Variants in ELOVL2 observed in about 807,000 individuals in gnomAD.
ELOVL2 encodes the protein very long chain fatty acid elongase 2.
A neutral mutation model predicts 37.7 loss-of-function variants in ELOVL2; 38 were observed. That is an observed-to-expected ratio of 1.01 (90% CI 0.78 to 1.32). The LOEUF (loss-of-function observed/expected upper bound fraction) is 1.32. ELOVL2 is among the 40% of genes most tolerant of loss of function. The pLI is 0.00. For missense variants in ELOVL2, 352 were observed against 363.6 expected (o/e 0.97, Z 0.26); for synonymous variants, 115 against 122.3 (o/e 0.94, Z 0.40).
At position 10,983,867 on chromosome 6, in the gene ELOVL2, G is replaced by A; in HGVS notation, c.805C>T (p.Pro269Ser). The A allele has an allele frequency of 6.2e-7, 1 of 1,613,658 alleles. No individual in the cohort carries two copies. Among genetic ancestry groups the A allele is most frequent in the Non-Finnish European group, 8.5e-7 (1 of 1,179,762 alleles). ...TTCTTCACTTCTTTCCCTGCAGGTGGCTCTTGCATATCTTTCTTCATTGGC... is the reference window on the plus strand; with the variant it reads ...TTCTTCACTTCTTTCCCTGCAGGTGACTCTTGCATATCTTTCTTCATTGGC... ...KKPMKKDMQEPPAGKEVKNGF... is the reference protein window; with the variant it reads ...KKPMKKDMQESPAGKEVKNGF... Residue 269 changes from proline to serine, a missense_variant, in exon 8 of 8, where the codon CCA becomes TCA. Physicochemically the swap from Pro to Ser is moderately conservative, Grantham distance 74. Coordinates refer to ENST00000354666, the MANE Select transcript of ELOVL2 (RefSeq NM_017770.4).
chr6:11,042,963 AGAG>A (rs1363737518), intron 1 of ELOVL2, among the ~76,000 whole-genome samples: 1 of 152,226 alleles, frequency 6.6e-6, no homozygotes, highest in Non-Finnish European at 1.5e-5. Flanking sequence ...ATATTCTGGT[AGAG>A]GAGACGTTCA....
intron 1 of ELOVL2, among the ~76,000 whole-genome samples, chr6:11,026,997 AGTG>A (rs1782846901): frequency 1.3e-5 from 2 of 152,188 alleles, no homozygotes; most frequent in Admixed American, 6.5e-5. Context: ...ATTTTTTTGT[AGTG>A]AGAACACTTA....
rs60871793 is a variant in ELOVL2 at position 11,020,143 on chromosome 6, G to A, written c.4-9334C>T. ...CTAAAGAAAAAACTGTTAGCAAAAT[G>A]ACTTATAGAGGAAAGTTGTACAAGT... On this transcript the variant is annotated intron_variant, in intron 1 of 7. Coordinates refer to ENST00000354666, the MANE Select transcript of ELOVL2 (RefSeq NM_017770.4). Among the ~76,000 whole-genome samples the A allele has an allele frequency of 8.3e-3, 1,257 of 151,960 alleles. 10 individuals are homozygous for A. Among genetic ancestry groups the A allele is most frequent in the African/African-American group, 0.029 (1,189 of 41,416 alleles).
intron 4 of ELOVL2, among the ~76,000 whole-genome samples, chr6:10,997,439 C>T (rs1782289754): frequency 6.6e-6 from 1 of 152,070 alleles, no homozygotes. Flanking sequence ...TCCAGAATGT[C>T]TTTTTATAAT....
intron 4 of ELOVL2, among the ~76,000 whole-genome samples, chr6:10,997,121 AAGG>A (rs1406937465): frequency 2.0e-5 from 3 of 152,246 alleles, no homozygotes; most frequent in Admixed American, 6.5e-5. Context: ...TCACTAATGC[AAGG>A]AGAATAAGTC....
At chr6:11,031,366 TG>T (rs1561728096) in intron 1 of ELOVL2, among the ~76,000 whole-genome samples, 1 of 152,232 alleles carries the variant, frequency 6.6e-6, no homozygotes, top group East Asian at 1.9e-4. Flanking sequence ...TAAAAATGTA[TG>T]GAACTTGCTA....
At chr6:11,040,376 T>C (rs561715768) in intron 1 of ELOVL2, among the ~76,000 whole-genome samples, 2 of 152,274 alleles carry the variant, frequency 1.3e-5, no homozygotes, top group South Asian at 4.1e-4. Context: ...ACTGAGCCGC[T>C]GAAATACGGC....
chr6:10,983,831 T>C lies in ELOVL2; in HGVS notation c.841A>G (p.Lys281Glu), dbSNP rs761135020. Residue 281 changes from lysine to glutamate, a missense_variant, in exon 8 of 8, where the codon AAA becomes GAA. Lys to Glu is a moderately conservative substitution (Grantham distance 56). Coordinates refer to ENST00000354666, the MANE Select transcript of ELOVL2 (RefSeq NM_017770.4). ...CCATTTGCTGCAGTGAAGTAGGCTT[T>C]GGAAAAACCATTCTTCACTTCTTTC... ...AGKEVKNGFS[K>E]AYFTAANGVM... The C allele has an allele frequency of 6.2e-7, 1 of 1,613,702 alleles. No homozygotes were observed. Among genetic ancestry groups the C allele is most frequent in the South Asian group, 1.1e-5 (1 of 90,942 alleles).
intron 1 of ELOVL2, among the ~76,000 whole-genome samples, chr6:11,038,059 T>A (rs7744073): frequency 0.38 from 58,220 of 151,928 alleles, 14,520 homozygotes; most frequent in African/African-American, 0.71. Context: ...TTATTTTGGA[T>A]TGAGAATATT....
intron 3 of ELOVL2, among the ~76,000 whole-genome samples, chr6:11,000,718 C>T (rs1484269912): frequency 2.6e-5 from 4 of 152,188 alleles, no homozygotes; most frequent in Non-Finnish European, 4.4e-5. Context: ...TTCCCCATTA[C>T]TCTCAAAAAC....
chr6:11,016,617 G>A (rs552014140), intron 1 of ELOVL2, among the ~76,000 whole-genome samples: 1 of 151,922 alleles, frequency 6.6e-6, no homozygotes, highest in South Asian at 2.1e-4. Context: ...GAGAGAAGAG[G>A]AGGTGTTATC....
At chr6:10,989,303 A>C (rs1330944133) in intron 7 of ELOVL2, among the ~76,000 whole-genome samples, 2 of 152,184 alleles carry the variant, frequency 1.3e-5, no homozygotes, top group Non-Finnish European at 2.9e-5. Context: ...TTTATCAACA[A>C]GCATGTGCTA....
chr6:11,015,168 C>G (rs573661240), intron 1 of ELOVL2, among the ~76,000 whole-genome samples: 19 of 152,174 alleles, frequency 1.2e-4, no homozygotes, highest in African/African-American at 4.3e-4. Flanking sequence ...CTTATAGTGA[C>G]AGAGAGGAGA....
At chr6:10,986,871 G>C (rs1782062116) in intron 7 of ELOVL2, among the ~76,000 whole-genome samples, 1 of 152,200 alleles carries the variant, frequency 6.6e-6, no homozygotes, top group African/African-American at 2.4e-5. Flanking sequence ...CATAAAATGA[G>C]TTAGGGAGGA....
chr6:10,994,915 C>T, intron 5 of ELOVL2, 92 bp downstream of exon 5: 1 of 1,083,070 alleles, frequency 9.2e-7, no homozygotes, highest in Non-Finnish European at 1.3e-6. Flanking sequence ...CCTTCATGCT[C>T]TCCTGATCTG....
chr6:11,012,140 T>C (rs1329753004), intron 1 of ELOVL2, among the ~76,000 whole-genome samples: 1 of 152,242 alleles, frequency 6.6e-6, no homozygotes, highest in Non-Finnish European at 1.5e-5. Context: ...AGGAAACGTA[T>C]GTCTTCGGGA....
intron 3 of ELOVL2, among the ~76,000 whole-genome samples, chr6:11,000,539 G>A (rs1315479252): frequency 1.3e-5 from 2 of 152,120 alleles, no homozygotes; most frequent in East Asian, 1.9e-4. Flanking sequence ...TTAATATTTT[G>A]TATTGGTTTA....
In ELOVL2 at chr6:10,981,530, T is replaced by C. The variant is rs1781934835; in HGVS notation, c.*2251A>G. The C allele has an allele frequency of 6.6e-6, 1 of 152,650 alleles. No homozygotes were observed. Among genetic ancestry groups the C allele is most frequent in the African/African-American group, 2.4e-5 (1 of 41,460 alleles). 9.5% of individuals were successfully genotyped at this position (152,650 alleles called of 1,614,324 possible). Reference sequence around the variant, plus strand: ...AAATACACATCATGAATGAAACCTCTCTCTAGTCACTGGCATTAGTTTGAA... The same window carrying C: ...AAATACACATCATGAATGAAACCTCCCTCTAGTCACTGGCATTAGTTTGAA... On this transcript the variant is annotated 3_prime_UTR_variant, in exon 8 of 8. Coordinates refer to ENST00000354666, the MANE Select transcript of ELOVL2 (RefSeq NM_017770.4).
chr6:11,007,577 C>T (rs1782501312), intron 2 of ELOVL2, among the ~76,000 whole-genome samples: 1 of 152,194 alleles, frequency 6.6e-6, no homozygotes, highest in Non-Finnish European at 1.5e-5. Context: ...AGACTGTTGG[C>T]CTCCAGAATT....
Sources: allele counts gnomAD v4.1 joint callset (sites outside exome capture counted in the v4.1 genomes callset), GRCh38; gene constraint gnomAD v4.1.1; transcripts MANE v1.5; gene names NCBI Gene and HGNC (gene_info 2026-07-23, HGNC 2026-07-21).